TOX: variants seen among roughly 807,000 people sequenced by gnomAD.
TOX encodes the protein thymocyte selection-associated high mobility group box protein TOX.
TOX carries 11 observed loss-of-function variants against 53.7 expected under a neutral mutation model. The observed-to-expected ratio is 0.20, with a 90% CI of 0.13 to 0.34. The LOEUF (loss-of-function observed/expected upper bound fraction) is 0.34, where lower values mean the gene tolerates loss of function less well. Ranked by LOEUF, TOX falls within the 10% of genes least tolerant of loss-of-function variation. The pLI is 1.00. For missense variants in TOX, 570 were observed against 664.6 expected (o/e 0.86, Z 1.56); for synonymous variants, 225 against 245.3 (o/e 0.92, Z 0.77).
intron 1 of TOX, among the ~76,000 whole-genome samples, chr8:59,049,116 C>G (rs201683899): frequency 7.6e-6 from 1 of 131,344 alleles, no homozygotes; most frequent in Non-Finnish European, 1.5e-5. Context: ...ATGAAAAAAA[C>G]AAACAGCTGG....
At chr8:58,914,386 C>T (rs1428181286) in intron 3 of TOX, among the ~76,000 whole-genome samples, 1 of 152,160 alleles carries the variant, frequency 6.6e-6, no homozygotes, top group African/African-American at 2.4e-5. Flanking sequence ...TTTCCTTTTG[C>T]AGTATGCTTT....
chr8:58,889,992 AG>A (rs1214665991), intron 3 of TOX, among the ~76,000 whole-genome samples: 4 of 152,238 alleles, frequency 2.6e-5, no homozygotes, highest in Non-Finnish European at 5.9e-5. Flanking sequence ...TTATTCATAA[AG>A]GTTGGGTGTA....
chr8:58,841,079 G>A (rs187143033), intron 4 of TOX, among the ~76,000 whole-genome samples: 2 of 152,286 alleles, frequency 1.3e-5, no homozygotes, highest in Admixed American at 6.5e-5. Flanking sequence ...TGTAAGCAGG[G>A]TTTCCATTAC....
chr8:59,066,258 T>C (rs1412112406), intron 1 of TOX, among the ~76,000 whole-genome samples: 1 of 152,230 alleles, frequency 6.6e-6, no homozygotes, highest in Non-Finnish European at 1.5e-5. Flanking sequence ...GATTATTTAA[T>C]GAACAAATAA....
chr8:59,008,529 A>G (rs1019402252), intron 1 of TOX, among the ~76,000 whole-genome samples: 1 of 152,230 alleles, frequency 6.6e-6, no homozygotes, highest in South Asian at 2.1e-4. Flanking sequence ...GGCAGGCCAC[A>G]CAGAGACTGC....
At chr8:58,890,099 A>G (rs987149798) in intron 3 of TOX, among the ~76,000 whole-genome samples, 1 of 152,172 alleles carries the variant, frequency 6.6e-6, no homozygotes, top group Non-Finnish European at 1.5e-5. Context: ...TTATGTCCAT[A>G]ATTCTGATCA....
chr8:58,915,863 T>C (rs1163969440), intron 3 of TOX, among the ~76,000 whole-genome samples: 9 of 124,910 alleles, frequency 7.2e-5, no homozygotes, highest in Non-Finnish European at 1.5e-4. Context: ...TTAAAGGAGC[T>C]GATGGAGCTG....
chr8:59,095,138 G>T (rs772206130), intron 1 of TOX, among the ~76,000 whole-genome samples: 1 of 152,118 alleles, frequency 6.6e-6, no homozygotes, highest in South Asian at 2.1e-4. Flanking sequence ...TATCATTCAT[G>T]ATTTTGTTAA....
intron 2 of TOX, 61 bp downstream of exon 2, chr8:58,959,882 C>T: frequency 1.9e-6 from 3 of 1,552,904 alleles, no homozygotes; most frequent in Non-Finnish European, 2.7e-6. Flanking sequence ...ATTTGCAATG[C>T]AACTCTTTGA....
chr8:58,928,769 G>A (rs1181799331), intron 3 of TOX, among the ~76,000 whole-genome samples: 1 of 152,154 alleles, frequency 6.6e-6, no homozygotes, highest in African/African-American at 2.4e-5. Flanking sequence ...AGTGCAGAGA[G>A]AGTTATCTTT....
At chr8:58,866,209 A>G (rs753556521) in intron 3 of TOX, among the ~76,000 whole-genome samples, 2 of 152,196 alleles carry the variant, frequency 1.3e-5, no homozygotes, top group African/African-American at 2.4e-5. Flanking sequence ...CCACTTAAAC[A>G]ATAAATTTCT....
intron 4 of TOX, among the ~76,000 whole-genome samples, chr8:58,844,565 C>T (rs1000002032): frequency 2.6e-5 from 4 of 152,096 alleles, no homozygotes; most frequent in African/African-American, 7.2e-5. Flanking sequence ...TTCATAGCAT[C>T]GGTACAGTGT....
intron 3 of TOX, among the ~76,000 whole-genome samples, chr8:58,920,778 C>G (rs1310057764): frequency 8.1e-6 from 1 of 123,392 alleles, no homozygotes; most frequent in Non-Finnish European, 1.7e-5. Context: ...CTGATCTAGA[C>G]AGTAAGCTAG....
At chr8:58,991,900 G>A (rs1308149705) in intron 1 of TOX, 1 of 152,270 alleles carries the variant, frequency 6.6e-6, no homozygotes, top group Non-Finnish European at 1.5e-5. Flanking sequence ...ATGATTTACA[G>A]AATCTCCCCT....
rs534984528 is a variant in TOX at position 58,896,602 on chromosome 8, G to A, written c.411+42700C>T. Among the ~76,000 whole-genome samples the A allele has an allele frequency of 2.6e-5, 4 of 152,234 alleles. No homozygotes were observed. The South Asian group carries it at 8.3e-4, about 32-fold the overall frequency. On this transcript the variant is annotated intron_variant, in intron 3 of 8. Coordinates refer to ENST00000361421, the MANE Select transcript of TOX (RefSeq NM_014729.3). ...AAGCAGGGGAATCGCTTGAACCAGGGAGTCGGAGGTTGCAGTGAGCCGAGA... is the reference window on the plus strand; with the variant it reads ...AAGCAGGGGAATCGCTTGAACCAGGAAGTCGGAGGTTGCAGTGAGCCGAGA...
chr8:59,114,637 A>G (rs1230289681), intron 1 of TOX, among the ~76,000 whole-genome samples: 2 of 152,226 alleles, frequency 1.3e-5, no homozygotes, highest in Non-Finnish European at 2.9e-5. Flanking sequence ...TGGATGAAGA[A>G]CTAATCAAGC....
chr8:58,894,371 C>T (rs189898324), intron 3 of TOX, among the ~76,000 whole-genome samples: 55 of 152,222 alleles, frequency 3.6e-4, no homozygotes, highest in Non-Finnish European at 5.4e-4. Context: ...AAATTAATTG[C>T]CATCTATGGT....
chr8:59,106,306 TA>T (rs1804900842), intron 1 of TOX, among the ~76,000 whole-genome samples: 1 of 150,044 alleles, frequency 6.7e-6, no homozygotes, highest in Non-Finnish European at 1.5e-5. Context: ...AAGTACTCTT[TA>T]GGGGGGAAAA....
intron 1 of TOX, among the ~76,000 whole-genome samples, chr8:59,021,692 T>C (rs1240728999): frequency 2.0e-5 from 3 of 151,844 alleles, no homozygotes; most frequent in Admixed American, 6.6e-5. Context: ...ACAAGGTGAC[T>C]CCTGTTGTAG....
Sources: gnomAD v4.1 joint callset for allele counts (sites outside exome capture counted in the v4.1 genomes callset) on GRCh38, gnomAD v4.1.1 for gene constraint, MANE v1.5 for transcripts, NCBI Gene and HGNC (gene_info 2026-07-23, HGNC 2026-07-21) for gene names.